The following TRMT6 variants were observed in gnomAD, a reference collection of about 807,000 sequenced individuals.
TRMT6 encodes tRNA methyltransferase 6 non-catalytic subunit.
In TRMT6, 34 loss-of-function variants were observed where a neutral mutation model predicts 59.0. That is an observed-to-expected ratio of 0.58 (90% CI 0.44 to 0.77). TRMT6 has a LOEUF of 0.77. TRMT6 is among the 30% of genes least tolerant of loss of function. The pLI is 0.00. For missense variants in TRMT6, 575 were observed against 604.5 expected (o/e 0.95, Z 0.51); for synonymous variants, 217 against 210.5 (o/e 1.03, Z -0.27).
chr20:5,942,335 A>G (rs780920352), intron 7 of TRMT6, 93 bp downstream of exon 7: 4 of 1,123,864 alleles, frequency 3.6e-6, no homozygotes, highest in Middle Eastern at 4.0e-4. Context: ...CTTGGGAGCT[A>G]ATACACCAAA....
At chr20:5,950,251 A>G (rs1371119197) in intron 1 of TRMT6, 27 bp downstream of exon 1, 3 of 1,568,924 alleles carry the variant, frequency 1.9e-6, no homozygotes, top group East Asian at 4.8e-5. Context: ...GGGGCGGGAG[A>G]CCCCTAAAAT....
rs1232874152 is a variant in TRMT6 at position 5,943,681 on chromosome 20, T to C, written c.545A>G (p.His182Arg). 5 of 1,611,304 alleles carry C rather than the reference T, an allele frequency of 3.1e-6. No individual in the cohort carries two copies. In the African/African-American group the frequency reaches 5.3e-5, roughly 17 times the overall value. ...YYAREPGKIN[H>R]MRYDTLAQML... Reference sequence around the variant, plus strand: ...CTGGGCTAGTGTATCGTATCTCATGTGGCTAAAGTAAAAACAATAATTTGT... The same window carrying C: ...CTGGGCTAGTGTATCGTATCTCATGCGGCTAAAGTAAAAACAATAATTTGT... Residue 182 changes from histidine to arginine, a missense_variant and splice_region_variant, in exon 6 of 11, where the codon CAC becomes CGC. His to Arg is a conservative substitution (Grantham distance 29). Coordinates refer to ENST00000203001, the MANE Select transcript of TRMT6 (RefSeq NM_015939.5).
At chr20:5,939,264 C>G (rs2088635512) in intron 10 of TRMT6, among the ~76,000 whole-genome samples, 1 of 152,056 alleles carries the variant, frequency 6.6e-6, no homozygotes, top group Non-Finnish European at 1.5e-5. Flanking sequence ...AGGTGGATCA[C>G]AAGGTCAGGA....
rs2122606550 is a variant in TRMT6 at position 5,944,924 on chromosome 20, G to T, written c.257-10C>A. 6.3e-7 allele frequency: 1 copy of T among 1,586,656 alleles called. No homozygotes were observed. Among genetic ancestry groups the T allele is most frequent in the Non-Finnish European group, 8.6e-7 (1 of 1,156,254 alleles). ...CCCGCTTCTTTAGTCTCTAAGGAAA[G>T]AAATTGCTCTATTGACATTTATGGT... On this transcript the variant is annotated splice_polypyrimidine_tract_variant and intron_variant, in intron 2 of 10. Transcript: ENST00000203001.
intron 8 of TRMT6, 36 bp from the exon 9 acceptor site, chr20:5,941,381 AC>A: frequency 1.3e-6 from 2 of 1,489,336 alleles, no homozygotes; most frequent in South Asian, 1.1e-5. Flanking sequence ...ATTTCTCTAC[AC>A]CCTCAAAGTG....
Position 5,943,998 on chromosome 20 carries a change from G to A in TRMT6, c.492C>T (p.Ser164=). 2.5e-6 allele frequency: 4 copies of A among 1,609,622 alleles called. No homozygotes were observed. The highest frequency in any genetic ancestry group is 2.2e-5 in the South Asian group (2 of 89,554). Residue 164 remains serine, a synonymous_variant, in exon 5 of 11, where the codon TCC becomes TCT. Coordinates refer to ENST00000203001, the MANE Select transcript of TRMT6 (RefSeq NM_015939.5). Reference sequence around the variant, plus strand: ...AATACATAATTGAAAGAATACGGGTGGATGGCTTCACAACAGTAATGATGG... The same window carrying A: ...AATACATAATTGAAAGAATACGGGTAGATGGCTTCACAACAGTAATGATGG... ...YEAIITVVKP[S]TRILSIMYYA...
In TRMT6 at chr20:5,938,628, G is replaced by GTCT. The variant is rs765251488; in HGVS notation, c.1398_1400dup (p.Ala466_Asp467insGlu). ...TGCTTGCATTAGATTTGAGGCTGGTGTCTGCTTTAAGGTTGTCCATGGCAA... is the reference window on the plus strand; with the variant it reads ...TGCTTGCATTAGATTTGAGGCTGGTGTCTTCTGCTTTAAGGTTGTCCATGGCAA... On this transcript the variant is annotated inframe_insertion, in exon 11 of 11. Coordinates refer to ENST00000203001, the MANE Select transcript of TRMT6 (RefSeq NM_015939.5). 56 of 1,614,070 alleles carry GTCT rather than the reference G, an allele frequency of 3.5e-5. No homozygotes were observed. The Middle Eastern group carries it at 4.9e-4, about 14-fold the overall frequency.
chr20:5,938,792 T>C (rs78189299), intron 10 of TRMT6, 66 bp from the exon 11 acceptor site: 2 of 1,397,484 alleles, frequency 1.4e-6, no homozygotes, highest in Admixed American at 2.2e-5. Context: ...ACAACACATA[T>C]ACCAAAAATC....
In TRMT6 at chr20:5,941,145, GACA is replaced by G. The variant is rs756873083; in HGVS notation, c.1216-9_1216-7del. 11 of 1,613,598 alleles carry G rather than the reference GACA, an allele frequency of 6.8e-6. No homozygotes were observed. Among genetic ancestry groups the G allele is most frequent in the African/African-American group, 2.7e-5 (2 of 74,912 alleles). Reference sequence around the variant, plus strand: ...GTGTAGCATTCCAACAGAGGCTGCAGACAACAACAGAATTCTGTTAAGAACTAC... The same window carrying G: ...GTGTAGCATTCCAACAGAGGCTGCAGACAACAGAATTCTGTTAAGAACTAC... On this transcript the variant is annotated splice_polypyrimidine_tract_variant and splice_region_variant and intron_variant, in intron 9 of 10. Coordinates refer to ENST00000203001, the MANE Select transcript of TRMT6 (RefSeq NM_015939.5).
chr20:5,941,071 G>C lies in TRMT6; in HGVS notation c.1284C>G (p.Thr428=). The change falls in exon 10 of 11, where the codon ACC becomes ACG. Residue 428 remains threonine (T), a synonymous_variant. Coordinates refer to ENST00000203001, the MANE Select transcript of TRMT6 (RefSeq NM_015939.5). ...CACGTACCTGATAATTTCTGAGCCA[G>C]GTTTCAGACAGCCTGAGGTTGATGA... The part of the protein sequence containing the change: ...GGVINLRLSE[T]WLRNYQVLPD... 1 of 1,614,126 alleles carries C rather than the reference G, an allele frequency of 6.2e-7. No homozygotes were observed. Among genetic ancestry groups the C allele is most frequent in the South Asian group, 1.1e-5 (1 of 91,086 alleles).
chr20:5,950,525 A>G lies in TRMT6; in HGVS notation c.-120T>C. The stretch of plus-strand genomic sequence containing the variant: ...GAGCCCTCCGACCGGCACCGCCCCC[A>G]CGTGTTGCACGCCGCTTCCGCTTTC... On this transcript the variant is annotated 5_prime_UTR_variant, in exon 1 of 11. Transcript: ENST00000203001. The G allele has an allele frequency of 8.7e-7, 1 of 1,145,134 alleles. No individual in the cohort carries two copies. The highest frequency in any genetic ancestry group is 1.2e-6 in the Non-Finnish European group (1 of 853,882). The allele number at this position is 1,145,134 out of a possible 1,614,324, so 70.9% of individuals were successfully genotyped here.
At chr20:5,938,817 A>C in intron 10 of TRMT6, 91 bp from the exon 11 acceptor site, 5 of 1,130,782 alleles carry the variant, frequency 4.4e-6, no homozygotes, top group Non-Finnish European at 6.2e-6. Context: ...TTTAAACAAC[A>C]CAGGTTCTCT....
rs375649671 is a variant in TRMT6 at position 5,944,214 on chromosome 20, G to T, written c.406C>A (p.Arg136=). The part of the protein sequence containing the change: ...QQLIENSTTF[R]DKTEFAQDKY... ...TCTTGGGCAAATTCTGTCTTGTCTC[G>T]GAATGTTGTACTATTTTCAATTAAC... is the stretch of plus-strand genomic sequence containing the variant. Residue 136 remains arginine (R), a synonymous_variant, in exon 4 of 11, where the codon CGA becomes AGA. Coordinates refer to ENST00000203001, the MANE Select transcript of TRMT6 (RefSeq NM_015939.5). 4.5e-6 allele frequency: 7 copies of T among 1,564,154 alleles called. No homozygotes were observed. The African/African-American group carries it at 6.9e-5, about 15-fold the overall frequency.
chr20:5,948,388 A>G (rs969475781), intron 1 of TRMT6, among the ~76,000 whole-genome samples: 25 of 152,228 alleles, frequency 1.6e-4, no homozygotes, highest in African/African-American at 5.3e-4. Context: ...GTGTAGCCCC[A>G]AGGGTGATGA....
intron 8 of TRMT6, 91 bp downstream of exon 8, chr20:5,941,860 T>A: frequency 8.7e-7 from 1 of 1,155,298 alleles, no homozygotes; most frequent in Non-Finnish European, 1.3e-6. Flanking sequence ...CCCACTAGAG[T>A]CAAAGCAGAC....
intron 2 of TRMT6, 132 bp from the exon 3 acceptor site, chr20:5,945,046 A>T (rs2088693548): frequency 1.5e-6 from 1 of 654,680 alleles, no homozygotes; most frequent in African/African-American, 1.8e-5. Flanking sequence ...CCCCCATCAC[A>T]CTATCCTTTC....
At chr20:5,941,436 T>A (rs1302659658) in intron 8 of TRMT6, 91 bp from the exon 9 acceptor site, 2 of 869,214 alleles carry the variant, frequency 2.3e-6, no homozygotes, top group Non-Finnish European at 3.7e-6. Context: ...ATGTATTTAA[T>A]TTGCATGACT....
In TRMT6 at chr20:5,950,453, C is replaced by G; in HGVS notation, c.-48G>C. On this transcript the variant is annotated 5_prime_UTR_variant, in exon 1 of 11. Transcript: ENST00000203001. ...TCCACGGCGTCCCGCCCCTCCTCCT[C>G]GGTTGTCGCCACCGCCAGCCTCACT... 1.3e-6 allele frequency: 2 copies of G among 1,527,822 alleles called. No individual in the cohort carries two copies. Among genetic ancestry groups the G allele is most frequent in the African/African-American group, 1.4e-5 (1 of 72,212 alleles). The allele number at this position is 1,527,822 out of a possible 1,614,324, so 94.6% of individuals were successfully genotyped here.
In TRMT6 at chr20:5,943,540, T is replaced by C. The variant is rs772464606; in HGVS notation, c.667+19A>G. On this transcript the variant is annotated intron_variant, in intron 6 of 10. Transcript: ENST00000203001. ...CATCAGGGTGGGGTTTTGTTGAAAA[T>C]GGAAATATTAAATCTTACCTCCCAT... is the stretch of plus-strand genomic sequence containing the variant. The C allele has an allele frequency of 8.9e-5, 144 of 1,612,904 alleles. No homozygotes were observed. The highest frequency in any genetic ancestry group is 1.2e-4 in the Non-Finnish European group (141 of 1,179,650).
Sources: gnomAD v4.1 joint callset for allele counts (sites outside exome capture counted in the v4.1 genomes callset) on GRCh38, gnomAD v4.1.1 for gene constraint, MANE v1.5 for transcripts, NCBI Gene and HGNC (gene_info 2026-07-23, HGNC 2026-07-21) for gene names.